The following GUCY1A1 variants were observed in gnomAD, a reference collection of about 807,000 sequenced individuals.
GUCY1A1 encodes guanylate cyclase soluble subunit alpha-1.
Under a neutral mutation model 64.5 loss-of-function variants are expected in GUCY1A1, and 48 were observed. The observed-to-expected ratio is 0.74, with a 90% CI of 0.59 to 0.95. The LOEUF is 0.95. Ranked by LOEUF, GUCY1A1 falls within the 40% of genes least tolerant of loss-of-function variation. The pLI, the probability that GUCY1A1 is intolerant of heterozygous loss-of-function variation, is 0.00. For synonymous variants in GUCY1A1, 308 were observed against 303.4 expected, an observed-to-expected ratio of 1.02 and a Z score of -0.16; for missense variants, 804 against 825.3, an observed-to-expected ratio of 0.97 and a Z score of 0.32.
At chr4:155,729,812 GT>G (rs1307556066) in intron 9 of GUCY1A1, among the ~76,000 whole-genome samples, 9 of 151,722 alleles carry the variant, frequency 5.9e-5, no homozygotes, top group Non-Finnish European at 7.4e-5. Context: ...TTTTTCCAGT[GT>G]AAGTGAAATA....
chr4:155,717,392 A>G, intron 8 of GUCY1A1, 90 bp downstream of exon 8: 1 of 929,178 alleles, frequency 1.1e-6, no homozygotes, highest in Non-Finnish European at 1.5e-6. Flanking sequence ...GTTGGGGGTT[A>G]GTTGAGAGAG....
chr4:155,727,623 T>C lies in GUCY1A1; in HGVS notation c.1872-2407T>C, dbSNP rs796939169. On this transcript the variant is annotated intron_variant, in intron 9 of 9. Coordinates refer to ENST00000506455, the MANE Select transcript of GUCY1A1 (RefSeq NM_001130682.3). ...ACCTATAGTTTTATACATTTTTATT[T>C]ATTAGACTCTTATAGTTGCATACAT... Among the ~76,000 whole-genome samples the C allele has an allele frequency of 4.6e-5, 7 of 151,886 alleles. No homozygotes were observed. The South Asian group carries it at 1.5e-3, about 31-fold the overall frequency.
At chr4:155,683,453 A>G (rs560655291) in intron 2 of GUCY1A1, among the ~76,000 whole-genome samples, 1 of 152,306 alleles carries the variant, frequency 6.6e-6, no homozygotes, top group South Asian at 2.1e-4. Flanking sequence ...AGTTCTTTCA[A>G]TTTCAGCAGA....
intron 5 of GUCY1A1, 24 bp downstream of exon 5, chr4:155,708,318 A>T: frequency 7.7e-7 from 1 of 1,297,286 alleles, no homozygotes; most frequent in Non-Finnish European, 1.1e-6. Context: ...TTATGTAATT[A>T]GAAAGTATGC....
Position 155,692,333 on chromosome 4 carries a change from T to C in GUCY1A1, c.-112-4423T>C, listed in dbSNP as rs570206723. Among the ~76,000 whole-genome samples the C allele has an allele frequency of 2.6e-5, 4 of 152,290 alleles. No homozygotes were observed. In the South Asian group the frequency reaches 6.2e-4, roughly 24 times the overall value. ...CTAGTAGTAGGATTGCTGGGTCAAA[T>C]GGTATTTCTGTCTTTAGGTCTTTGA... On this transcript the variant is annotated intron_variant, in intron 2 of 9. Transcript: ENST00000506455.
chr4:155,705,820 G>A (rs895342937), intron 4 of GUCY1A1, among the ~76,000 whole-genome samples: 16 of 152,320 alleles, frequency 1.1e-4, no homozygotes, highest in East Asian at 1.9e-4. Flanking sequence ...CCAAGAAGGG[G>A]TCATGGACAG....
At chr4:155,726,385 T>A (rs1734669572) in intron 9 of GUCY1A1, among the ~76,000 whole-genome samples, 1 of 151,970 alleles carries the variant, frequency 6.6e-6, no homozygotes, top group Non-Finnish European at 1.5e-5. Context: ...AAACATCCAA[T>A]GCTTTGGGAA....
rs1272446574 is a variant in GUCY1A1, at chr4:155,711,189, T to C, written c.1024T>C (p.Leu342=). Residue 342 remains leucine, a synonymous_variant, in exon 6 of 10, where the codon TTG becomes CTG. Coordinates refer to ENST00000506455, the MANE Select transcript of GUCY1A1 (RefSeq NM_001130682.3). ...GACGTTTAGCGGGATCATGACTATG[T>C]TGAATATGCAGTTTGTTGTACGAGT... The part of the protein sequence containing the change: ...NQTFSGIMTM[L]NMQFVVRVRR... 3.7e-6 allele frequency: 6 copies of C among 1,613,526 alleles called. No homozygotes were observed. Among genetic ancestry groups the C allele is most frequent in the Middle Eastern group, 3.3e-4 (2 of 6,084 alleles).
At chr4:155,676,973 A>G (rs1179722309) in intron 2 of GUCY1A1, among the ~76,000 whole-genome samples, 1 of 151,562 alleles carries the variant, frequency 6.6e-6, no homozygotes, top group Non-Finnish European at 1.5e-5. Context: ...TCATGTCCCC[A>G]TCACAACCTG....
At chr4:155,676,969 C>A (rs189240789) in intron 2 of GUCY1A1, among the ~76,000 whole-genome samples, 22 of 151,638 alleles carry the variant, frequency 1.5e-4, no homozygotes, top group Admixed American at 1.4e-3. Flanking sequence ...TTCTTCATGT[C>A]CCCATCACAA....
In GUCY1A1 at chr4:155,733,926, C is replaced by A. The variant is rs1301698249; in HGVS notation, c.*3695C>A. 1.3e-5 allele frequency among the ~76,000 whole-genome samples: 2 copies of A among 151,892 alleles called. No homozygotes were observed. Among genetic ancestry groups the A allele is most frequent in the East Asian group, 3.9e-4 (2 of 5,136 alleles). ...TTCATTTTATATCCTGGATATTTTACCATAAGTATGAGCATAAAGCTGGGA... is the reference window on the plus strand; with the variant it reads ...TTCATTTTATATCCTGGATATTTTAACATAAGTATGAGCATAAAGCTGGGA... On this transcript the variant is annotated 3_prime_UTR_variant, in exon 10 of 10. Transcript: ENST00000506455.
intron 7 of GUCY1A1, among the ~76,000 whole-genome samples, chr4:155,715,004 G>C (rs1375261466): frequency 6.6e-6 from 1 of 152,014 alleles, no homozygotes; most frequent in South Asian, 2.1e-4. Flanking sequence ...TTCTACTTTT[G>C]GTTATTTCTA....
intron 7 of GUCY1A1, among the ~76,000 whole-genome samples, chr4:155,715,977 A>C (rs1037729782): frequency 6.6e-6 from 1 of 152,134 alleles, no homozygotes; most frequent in Non-Finnish European, 1.5e-5. Flanking sequence ...GGGTGGTAGG[A>C]ATCAGCTTTT....
chr4:155,698,661 G>A lies in GUCY1A1; in HGVS notation c.255+1539G>A, dbSNP rs1219899753. Among the ~76,000 whole-genome samples the A allele has an allele frequency of 2.0e-5, 3 of 152,166 alleles. No homozygotes were observed. In the South Asian group the frequency reaches 6.2e-4, roughly 31 times the overall value. The stretch of plus-strand genomic sequence containing the variant: ...GTTCACCTCCAGCCTGGGCGACAGA[G>A]CGAGACTCTGTCTCAACAACAACAA... On this transcript the variant is annotated intron_variant, in intron 3 of 9. Coordinates refer to ENST00000506455, the MANE Select transcript of GUCY1A1 (RefSeq NM_001130682.3).
intron 2 of GUCY1A1, among the ~76,000 whole-genome samples, chr4:155,673,181 G>A (rs904177693): frequency 6.6e-6 from 1 of 151,098 alleles, no homozygotes; most frequent in African/African-American, 2.5e-5. Context: ...CTTATTTTAT[G>A]TCTTATATTT....
rs140071621 is a variant in GUCY1A1 at position 155,701,261 on chromosome 4, T to C, written c.256-2671T>C. On this transcript the variant is annotated intron_variant, in intron 3 of 9. Coordinates refer to ENST00000506455, the MANE Select transcript of GUCY1A1 (RefSeq NM_001130682.3). ...TCCATAAAAGCCTATTCACTCATAA[T>C]ATTGGTCAAGTATGCTACTAATGCT... Among the ~76,000 whole-genome samples the C allele has an allele frequency of 7.2e-4, 110 of 152,338 alleles. 2 individuals are homozygous for C. The East Asian group carries it at 0.016, about 22-fold the overall frequency.
intron 9 of GUCY1A1, among the ~76,000 whole-genome samples, chr4:155,724,331 G>C (rs549916336): frequency 6.6e-6 from 1 of 152,158 alleles, no homozygotes; most frequent in African/African-American, 2.4e-5. Context: ...AAAATTCCTT[G>C]TTTCCAAGTC....
chr4:155,725,325 T>G (rs776577106), intron 9 of GUCY1A1, among the ~76,000 whole-genome samples: 1 of 152,078 alleles, frequency 6.6e-6, no homozygotes, highest in African/African-American at 2.4e-5. Flanking sequence ...GAAAAATCCC[T>G]GGGGTTCATT....
chr4:155,720,321 G>A (rs1733792205), intron 8 of GUCY1A1, among the ~76,000 whole-genome samples: 1 of 150,336 alleles, frequency 6.7e-6, no homozygotes, highest in Non-Finnish European at 1.5e-5. Context: ...TGATATTTAT[G>A]AGCAGAAGAG....
Sources: allele counts gnomAD v4.1 joint callset (sites outside exome capture counted in the v4.1 genomes callset), GRCh38; gene constraint gnomAD v4.1.1; transcripts MANE v1.5; gene names NCBI Gene and HGNC (gene_info 2026-07-23, HGNC 2026-07-21).